The following PPFIA1 variants were observed in gnomAD, a reference collection of about 807,000 sequenced individuals.
The protein encoded by PPFIA1 is liprin-alpha-1.
PPFIA1 carries 25 observed loss-of-function variants against 149.9 expected under a neutral mutation model. The ratio of observed to expected loss-of-function variants is 0.17; its 90% CI spans 0.12 to 0.23. The LOEUF (loss-of-function observed/expected upper bound fraction) is 0.23, where lower values mean the gene tolerates loss of function less well. Among genes scored for constraint, PPFIA1 ranks in the 10% least tolerant of loss-of-function variants. PPFIA1 has a pLI of 1.00. For missense variants in PPFIA1, 1,362 were observed against 1,506.5 expected (o/e 0.90, Z 1.59); for synonymous variants, 549 against 552.8 (o/e 0.99, Z 0.10).
Position 70,278,426 on chromosome 11 carries a change from G to GT in PPFIA1, c.264+5997dup, listed in dbSNP as rs1291028069. 4.6e-5 allele frequency among the ~76,000 whole-genome samples: 7 copies of GT among 152,230 alleles called. No homozygotes were observed. In the South Asian group the frequency reaches 6.2e-4, roughly 14 times the overall value. On this transcript the variant is annotated intron_variant, in intron 2 of 27. Coordinates refer to ENST00000253925, the MANE Select transcript of PPFIA1 (RefSeq NM_003626.5). ...ACCATTTTGTAGCAGCGAATTCATT[G>GT]TTTTTTTAGCTCGCTTCCTTTTTCT...
intron 21 of PPFIA1, among the ~76,000 whole-genome samples, chr11:70,366,235 G>A (rs963818189): frequency 6.6e-6 from 1 of 152,118 alleles, no homozygotes; most frequent in Non-Finnish European, 1.5e-5. Context: ...ATATGATCTT[G>A]TATACAAAGT....
chr11:70,274,169 G>T (rs1282831894), intron 2 of PPFIA1, among the ~76,000 whole-genome samples: 1 of 152,124 alleles, frequency 6.6e-6, no homozygotes, highest in Non-Finnish European at 1.5e-5. Context: ...CCCTTTCCTG[G>T]CATCTGGTTC....
intron 16 of PPFIA1, among the ~76,000 whole-genome samples, chr11:70,351,429 C>G (rs1336450471): frequency 6.6e-6 from 1 of 152,166 alleles, no homozygotes; most frequent in Non-Finnish European, 1.5e-5. Flanking sequence ...AGTGCTTTCC[C>G]AGTCTGGTAT....
chr11:70,377,080 A>G (rs1299096941), intron 25 of PPFIA1, among the ~76,000 whole-genome samples: 2 of 151,924 alleles, frequency 1.3e-5, no homozygotes, highest in African/African-American at 4.8e-5. Context: ...CTCAAAAAGA[A>G]ACCCCCTCCC....
intron 2 of PPFIA1, among the ~76,000 whole-genome samples, chr11:70,303,628 A>G (rs1188064959): frequency 1.3e-5 from 2 of 151,982 alleles, no homozygotes; most frequent in Non-Finnish European, 2.9e-5. Flanking sequence ...AAGCTCCTGG[A>G]CTCTCTGGAG....
intron 19 of PPFIA1, among the ~76,000 whole-genome samples, chr11:70,357,892 T>A (rs573877220): frequency 6.6e-6 from 1 of 152,168 alleles, no homozygotes; most frequent in Non-Finnish European, 1.5e-5. Flanking sequence ...CAGCCAAGAA[T>A]GTTTTCAAAT....
intron 2 of PPFIA1, among the ~76,000 whole-genome samples, chr11:70,317,812 G>A (rs1464539288): frequency 6.6e-6 from 1 of 152,150 alleles, no homozygotes. Context: ...GTTGTGAAGT[G>A]CTCTTCCTCC....
intron 2 of PPFIA1, among the ~76,000 whole-genome samples, chr11:70,308,049 G>A (rs2052985825): frequency 6.6e-6 from 1 of 152,166 alleles, no homozygotes; most frequent in Admixed American, 6.5e-5. Flanking sequence ...CTTAGTGATG[G>A]CTTATTTATT....
At chr11:70,369,250 T>G (rs1438208537) in intron 21 of PPFIA1, among the ~76,000 whole-genome samples, 1 of 152,060 alleles carries the variant, frequency 6.6e-6, no homozygotes, top group Non-Finnish European at 1.5e-5. Context: ...GATGATATGG[T>G]TTTTTTTCAA....
intron 15 of PPFIA1, chr11:70,346,046 G>A (rs2055681834): frequency 2.4e-6 from 1 of 418,128 alleles, no homozygotes; most frequent in Admixed American, 2.9e-5. Flanking sequence ...ATTTTAAAGG[G>A]TTTTTCTTTA....
At chr11:70,291,993 A>G (rs1056330742) in intron 2 of PPFIA1, among the ~76,000 whole-genome samples, 2 of 151,864 alleles carry the variant, frequency 1.3e-5, no homozygotes, top group African/African-American at 4.8e-5. Flanking sequence ...GCGTGCCACC[A>G]CACCTGGCTA....
At chr11:70,335,454 T>C (rs2276001) in intron 10 of PPFIA1, 109 bp from the exon 11 acceptor site, 181,122 of 1,315,134 alleles carry the variant, frequency 0.14, 17,182 homozygotes, top group African/African-American at 0.47. Context: ...GGGGAGCAAC[T>C]GGGGGAGGGG....
In PPFIA1 at chr11:70,332,103, A is replaced by G. The variant is rs769049622; in HGVS notation, c.1212+9A>G. 1.9e-6 allele frequency: 3 copies of G among 1,583,674 alleles called. No homozygotes were observed. Among genetic ancestry groups the G allele is most frequent in the East Asian group, 4.6e-5 (2 of 43,512 alleles). ...TGGCAGCGCTTTCCAAGGTAGTGCC[A>G]TGAGCTTCATTCTGGTTCGGCTGCC... is the stretch of plus-strand genomic sequence containing the variant. On this transcript the variant is annotated intron_variant, in intron 9 of 27. Coordinates refer to ENST00000253925, the MANE Select transcript of PPFIA1 (RefSeq NM_003626.5).
At chr11:70,375,858 A>C (rs2057468655) in intron 24 of PPFIA1, among the ~76,000 whole-genome samples, 1 of 152,110 alleles carries the variant, frequency 6.6e-6, no homozygotes, top group African/African-American at 2.4e-5. Flanking sequence ...AACCCACACA[A>C]CACACCCTTG....
chr11:70,372,448 C>CT (rs1565462335), intron 22 of PPFIA1, 29 bp from the exon 23 acceptor site: 1 of 1,612,554 alleles, frequency 6.2e-7, no homozygotes, highest in South Asian at 1.1e-5. Context: ...GTTACCATCT[C>CT]TAAATCATCT....
chr11:70,330,983 C>G (rs2054618148), intron 8 of PPFIA1, among the ~76,000 whole-genome samples: 1 of 152,014 alleles, frequency 6.6e-6, no homozygotes, highest in African/African-American at 2.4e-5. Flanking sequence ...CCTGTAATCC[C>G]AGCACTTTGG....
At chr11:70,366,002 T>C (rs1160588390) in intron 21 of PPFIA1, 5 of 452,618 alleles carry the variant, frequency 1.1e-5, no homozygotes, top group Non-Finnish European at 2.2e-5. Flanking sequence ...CTTCACTACA[T>C]GTACAGCAGC....
chr11:70,371,363 G>T (rs1240395824), intron 21 of PPFIA1: 6 of 157,472 alleles, frequency 3.8e-5, no homozygotes, highest in East Asian at 1.9e-4. Context: ...ATATTCTGTT[G>T]TTGGGTAGAG....
At chr11:70,347,399 G>A (rs1181125813) in intron 15 of PPFIA1, among the ~76,000 whole-genome samples, 1 of 152,156 alleles carries the variant, frequency 6.6e-6, no homozygotes, top group Non-Finnish European at 1.5e-5. Flanking sequence ...GTAAGATGTA[G>A]TATATTAAAA....
Sources: gnomAD v4.1 joint callset for allele counts (sites outside exome capture counted in the v4.1 genomes callset) on GRCh38, gnomAD v4.1.1 for gene constraint, MANE v1.5 for transcripts, NCBI Gene and HGNC (gene_info 2026-07-23, HGNC 2026-07-21) for gene names.